DMXL1: variants seen among roughly 807,000 people sequenced by gnomAD.
DMXL1 encodes dmX-like protein 1.
A neutral mutation model predicts 319.2 loss-of-function variants in DMXL1; 99 were observed. The observed-to-expected ratio is 0.31, with a 90% CI of 0.26 to 0.37. The LOEUF is 0.37. Among genes scored for constraint, DMXL1 ranks in the 10% least tolerant of loss-of-function variants. The pLI is 1.00. For synonymous variants in DMXL1, 1,385 were observed against 1,235.2 expected, an observed-to-expected ratio of 1.12 and a Z score of -2.54; for missense variants, 3,745 against 3,595.6, an observed-to-expected ratio of 1.04 and a Z score of -1.06.
chr5:119,146,337 T>G (rs1768526960), intron 15 of DMXL1, among the ~76,000 whole-genome samples: 1 of 151,972 alleles, frequency 6.6e-6, no homozygotes, highest in African/African-American at 2.4e-5. Flanking sequence ...ATGTTTATTT[T>G]GAGCAACTCG....
chr5:119,237,497 A>G, intron 40 of DMXL1, 83 bp downstream of exon 40: 4 of 796,284 alleles, frequency 5.0e-6, no homozygotes, highest in Non-Finnish European at 8.5e-6. Context: ...GACAAGAAAT[A>G]TAGAACTAAT....
At chr5:119,197,666 G>A in intron 31 of DMXL1, 89 bp from the exon 32 acceptor site, 1 of 1,162,090 alleles carries the variant, frequency 8.6e-7, no homozygotes, top group Non-Finnish European at 1.3e-6. Context: ...TCCTGCATCT[G>A]CTCTCCCCTC....
At chr5:119,120,763 G>C (rs902729135) in intron 8 of DMXL1, among the ~76,000 whole-genome samples, 4 of 152,190 alleles carry the variant, frequency 2.6e-5, no homozygotes, top group African/African-American at 4.8e-5. Context: ...GGTACTTTAA[G>C]TCATAACTTT....
chr5:119,205,501 A>C (rs1261788352), intron 33 of DMXL1, among the ~76,000 whole-genome samples: 1 of 152,124 alleles, frequency 6.6e-6, no homozygotes, highest in Non-Finnish European at 1.5e-5. Flanking sequence ...TTTTGTGACT[A>C]TCAGTAAGCT....
At chr5:119,072,045 CTAAGT>C (rs1249648488) in intron 1 of DMXL1, among the ~76,000 whole-genome samples, 6 of 151,998 alleles carry the variant, frequency 3.9e-5, no homozygotes, top group Non-Finnish European at 8.8e-5. Context: ...ATTTTGTATT[CTAAGT>C]TAAGGTCAAG....
At chr5:119,209,068 T>C (rs1485532273) in intron 34 of DMXL1, among the ~76,000 whole-genome samples, 1 of 152,234 alleles carries the variant, frequency 6.6e-6, no homozygotes, top group Non-Finnish European at 1.5e-5. Context: ...TTGATGCTTA[T>C]TACATTATAT....
chr5:119,214,366 C>T (rs1783314513), intron 34 of DMXL1, among the ~76,000 whole-genome samples: 1 of 152,244 alleles, frequency 6.6e-6, no homozygotes, highest in African/African-American at 2.4e-5. Context: ...TCTCTCACTT[C>T]AGCTACTGTA....
chr5:119,122,709 G>A (rs187067824), intron 9 of DMXL1, among the ~76,000 whole-genome samples: 1,558 of 151,864 alleles, frequency 0.01, 35 homozygotes, highest in African/African-American at 0.036. Context: ...CAGACGGGGC[G>A]GCGGGGCAGA....
intron 26 of DMXL1, 115 bp from the exon 27 acceptor site, chr5:119,177,242 G>A (rs143949486): frequency 0.012 from 7,263 of 590,448 alleles, 51 homozygotes; most frequent in Non-Finnish European, 0.016. Context: ...ATATTACTTA[G>A]ATGTACTAGC....
chr5:119,086,003 G>A (rs1753272426), intron 1 of DMXL1, among the ~76,000 whole-genome samples: 2 of 152,032 alleles, frequency 1.3e-5, no homozygotes, highest in Admixed American at 6.6e-5. Flanking sequence ...TTTACATATT[G>A]TATTAGTCTC....
At chr5:119,196,220 A>G (rs888808161) in intron 30 of DMXL1, 151 bp from the exon 31 acceptor site, 8 of 617,996 alleles carry the variant, frequency 1.3e-5, no homozygotes, top group Admixed American at 1.1e-4. Context: ...TAAAGCTGAC[A>G]TGACTACCTC....
chr5:119,212,969 C>A (rs1044631259), intron 34 of DMXL1, among the ~76,000 whole-genome samples: 6 of 152,066 alleles, frequency 3.9e-5, no homozygotes, highest in African/African-American at 1.4e-4. Flanking sequence ...ATTCCCAAAC[C>A]TTCTTAAACC....
chr5:119,150,092 C>T lies in DMXL1; in HGVS notation c.4265C>T (p.Ser1422Phe), dbSNP rs750794794. 1.9e-6 allele frequency: 3 copies of T among 1,613,640 alleles called. No homozygotes were observed. The highest frequency in any genetic ancestry group is 2.5e-6 in the Non-Finnish European group (3 of 1,179,868). ...GCAGATGATGATAGCTGTTACTCAT[C>T]TTTGGAGAAATCTAGTAATGAGAGT... ...LAADDDSCYS[S>F]LEKSSNESTL... The change falls in exon 18 of 44, where the codon TCT (serine) becomes TTT (phenylalanine). Residue 1422 changes from serine (S) to phenylalanine (F), a missense_variant. By Grantham distance (155) the Ser-to-Phe change is radical. Around this residue, in one of 4 missense-constraint regions of DMXL1, gnomAD observed 2,096 missense variants for 1,985.4 expected, o/e 1.06. Coordinates refer to ENST00000539542, the MANE Select transcript of DMXL1 (RefSeq NM_001290321.3).
intron 41 of DMXL1, among the ~76,000 whole-genome samples, chr5:119,239,413 A>T (rs1035974713): frequency 6.6e-6 from 1 of 152,162 alleles, no homozygotes; most frequent in African/African-American, 2.4e-5. Flanking sequence ...AAGACTATAG[A>T]TTCTTCAGCT....
At chr5:119,103,391 T>C (rs1757682318) in intron 3 of DMXL1, among the ~76,000 whole-genome samples, 1 of 152,234 alleles carries the variant, frequency 6.6e-6, no homozygotes, top group African/African-American at 2.4e-5. Flanking sequence ...TACAAATTAC[T>C]TCAAACCTAG....
chr5:119,214,042 C>G (rs943302253), intron 34 of DMXL1, among the ~76,000 whole-genome samples: 2 of 152,080 alleles, frequency 1.3e-5, no homozygotes, highest in African/African-American at 4.8e-5. Flanking sequence ...TGTCTTTACT[C>G]TCTCCTTGGG....
chr5:119,075,271 A>C, intron 1 of DMXL1, among the ~76,000 whole-genome samples: 1 of 134,006 alleles, frequency 7.5e-6, no homozygotes, highest in South Asian at 2.3e-4. Context: ...ACTGAGTATC[A>C]CTCTATCACC....
At chr5:119,119,963 C>T (rs1020208975) in intron 8 of DMXL1, among the ~76,000 whole-genome samples, 1 of 151,890 alleles carries the variant, frequency 6.6e-6, no homozygotes, top group African/African-American at 2.4e-5. Context: ...TCACTGCAAC[C>T]TCTGCTTCCC....
chr5:119,187,622 G>A (rs111612720), intron 28 of DMXL1, among the ~76,000 whole-genome samples: 5 of 152,160 alleles, frequency 3.3e-5, no homozygotes, highest in African/African-American at 1.2e-4. Flanking sequence ...TGAAACTGCC[G>A]ATTTTTTTTC....
Sources: allele counts gnomAD v4.1 joint callset (sites outside exome capture counted in the v4.1 genomes callset), GRCh38; gene constraint gnomAD v4.1.1; regional missense constraint gnomAD v4.1.1; transcripts MANE v1.5; gene names NCBI Gene and HGNC (gene_info 2026-07-23, HGNC 2026-07-21).